The following SOCS6 variants were observed in gnomAD, a reference collection of about 807,000 sequenced individuals.
SOCS6 encodes the protein suppressor of cytokine signaling 6, also known as STAT induced STAT inhibitor-4.
A neutral mutation model predicts 27.7 loss-of-function variants in SOCS6; 5 were observed. That is an observed-to-expected ratio of 0.18 (90% CI 0.09 to 0.38). The LOEUF (loss-of-function observed/expected upper bound fraction) is 0.38. SOCS6 is among the 10% of genes least tolerant of loss of function. The pLI, the probability that SOCS6 is intolerant of heterozygous loss-of-function variation, is 1.00. For synonymous variants in SOCS6, 271 were observed against 260.0 expected (o/e 1.04, Z -0.41); for missense variants, 595 against 688.1 (o/e 0.86, Z 1.51).
At chr18:70,295,657 A>G (rs2062319771) in intron 1 of SOCS6, among the ~76,000 whole-genome samples, 1 of 152,252 alleles carries the variant, frequency 6.6e-6, no homozygotes, top group Non-Finnish European at 1.5e-5. Flanking sequence ...ACTGGCAGAA[A>G]ATGTAAGCAA....
intron 1 of SOCS6, among the ~76,000 whole-genome samples, chr18:70,307,444 T>C (rs2062374065): frequency 6.6e-6 from 1 of 152,200 alleles, no homozygotes; most frequent in South Asian, 2.1e-4. Context: ...TTTAAATCTT[T>C]AGTGGAATTT....
rs779301144 is a variant in SOCS6, at chr18:70,328,129, A to G, written c.*1853A>G. The stretch of plus-strand genomic sequence containing the variant: ...ATAATATAAGTGTTCATTATAAGCT[A>G]TTTGGATTAAGAACTATTGCAGAGT... On this transcript the variant is annotated 3_prime_UTR_variant, in exon 2 of 2. Transcript: ENST00000397942. 5.4e-5 allele frequency: 9 copies of G among 166,610 alleles called. No individual in the cohort carries two copies. Among genetic ancestry groups the G allele is most frequent in the African/African-American group, 1.9e-4 (8 of 41,466 alleles). The allele number at this position is 166,610 out of a possible 1,614,324, so 10.3% of individuals were successfully genotyped here.
chr18:70,290,510 C>G (rs1417095047), intron 1 of SOCS6, among the ~76,000 whole-genome samples: 1 of 152,208 alleles, frequency 6.6e-6, no homozygotes, highest in Non-Finnish European at 1.5e-5. Context: ...TCTAATTTCT[C>G]CTCCTAGTGG....
intron 1 of SOCS6, among the ~76,000 whole-genome samples, chr18:70,304,406 A>T (rs1233377108): frequency 6.6e-6 from 1 of 152,164 alleles, no homozygotes; most frequent in Admixed American, 6.5e-5. Context: ...TTAAAAGCCA[A>T]CCCATCTTAC....
At chr18:70,309,214 T>C (rs117684922) in intron 1 of SOCS6, among the ~76,000 whole-genome samples, 3,699 of 152,332 alleles carry the variant, frequency 0.024, 83 homozygotes, top group South Asian at 0.042. Context: ...TCATATAATT[T>C]CCATTTGTCA....
rs1284702801 is a variant in SOCS6 at position 70,329,780 on chromosome 18, GT to G, written c.*3509del. ...TACTTTTTTAATCCTGTAAAGAAGG[GT>G]TTTTATAAACATTCTTTTTATTAAT... On this transcript the variant is annotated 3_prime_UTR_variant, in exon 2 of 2. Coordinates refer to ENST00000397942, the MANE Select transcript of SOCS6 (RefSeq NM_004232.4). The G allele has an allele frequency of 9.0e-5, 15 of 167,138 alleles. No homozygotes were observed. The highest frequency in any genetic ancestry group is 3.6e-4 in the African/African-American group (15 of 41,564). The allele number at this position is 167,138 out of a possible 1,614,324, so 10.4% of individuals were successfully genotyped here. A position where few individuals can be genotyped will look rare whatever the true frequency, so the allele number is the denominator to read the frequency against.
intron 1 of SOCS6, among the ~76,000 whole-genome samples, chr18:70,319,976 G>A (rs1910915848): frequency 6.6e-6 from 1 of 151,756 alleles, no homozygotes; most frequent in Non-Finnish European, 1.5e-5. Flanking sequence ...CAGTATTATT[G>A]CCAGTGATAA....
chr18:70,302,696 A>G (rs773805110), intron 1 of SOCS6, among the ~76,000 whole-genome samples: 15 of 152,134 alleles, frequency 9.9e-5, no homozygotes, highest in Non-Finnish European at 1.5e-4. Context: ...AAAAGCTGGT[A>G]GGCTTATCAC....
In SOCS6 at chr18:70,328,652, A is replaced by G. The variant is rs1258471675; in HGVS notation, c.*2376A>G. On this transcript the variant is annotated 3_prime_UTR_variant, in exon 2 of 2. Transcript: ENST00000397942. ...TTCTAATCTAGTTTGAAATTGTTAG[A>G]TTCTGATAGTATAATGATAAAATCA... The G allele has an allele frequency of 6.0e-6, 1 of 166,928 alleles. No individual in the cohort carries two copies. Among genetic ancestry groups the G allele is most frequent in the Non-Finnish European group, 1.5e-5 (1 of 68,110 alleles). 10.3% of individuals were successfully genotyped at this position (166,928 alleles called of 1,614,324 possible).
At position 70,323,477 on chromosome 18, in the gene SOCS6, G is replaced by A. The variant is rs142206706; in HGVS notation, c.-126-1066G>A. ...GATATAGAAGTAAAAATTTGCCATG[G>A]GAAATTGCAAAAAAAGAAGAGTAAG... On this transcript the variant is annotated intron_variant, in intron 1 of 1. Transcript: ENST00000397942. 5.9e-3 allele frequency among the ~76,000 whole-genome samples: 904 copies of A among 152,110 alleles called. 4 individuals carry two copies. The highest frequency in any genetic ancestry group is 9.6e-3 in the Non-Finnish European group (651 of 67,972).
intron 1 of SOCS6, among the ~76,000 whole-genome samples, chr18:70,299,916 T>C (rs1009929662): frequency 7.2e-5 from 11 of 152,200 alleles, no homozygotes; most frequent in Non-Finnish European, 4.4e-5. Context: ...GTACATAGGT[T>C]ATATGCAAAT....
intron 1 of SOCS6, among the ~76,000 whole-genome samples, chr18:70,307,039 G>A (rs983003463): frequency 2.0e-5 from 3 of 152,174 alleles, no homozygotes; most frequent in African/African-American, 4.8e-5. Flanking sequence ...TAGGCAGGAG[G>A]ACTCTTTGAG....
At chr18:70,290,094 A>G (rs2062292182) in intron 1 of SOCS6, among the ~76,000 whole-genome samples, 1 of 152,244 alleles carries the variant, frequency 6.6e-6, no homozygotes, top group African/African-American at 2.4e-5. Context: ...CATTTCAACA[A>G]ATGTTTCTGC....
In SOCS6 at chr18:70,326,557, TG is replaced by T. The variant is rs778211944; in HGVS notation, c.*282del. 12 of 372,798 alleles carry T rather than the reference TG, an allele frequency of 3.2e-5. No individual in the cohort carries two copies. Among genetic ancestry groups the T allele is most frequent in the Non-Finnish European group, 5.5e-5 (11 of 198,456 alleles). 23.1% of individuals were successfully genotyped at this position (372,798 alleles called of 1,614,324 possible). On this transcript the variant is annotated 3_prime_UTR_variant, in exon 2 of 2. Coordinates refer to ENST00000397942, the MANE Select transcript of SOCS6 (RefSeq NM_004232.4). ...ATGTGAATTATCAAATTCTCCTCAA[TG>T]CCCCCCCCGCCCAGTCCTTTGCTGC... is the stretch of plus-strand genomic sequence containing the variant.
Position 70,325,464 on chromosome 18 carries a change from G to A in SOCS6, c.796G>A (p.Glu266Lys), listed in dbSNP as rs781563975. The A allele has an allele frequency of 3.7e-6, 6 of 1,614,186 alleles. No homozygotes were observed. Among genetic ancestry groups the A allele is most frequent in the Non-Finnish European group, 5.1e-6 (6 of 1,180,036 alleles). ...GGGAGGGCGCGCTTTCCCCGAGGAT[G>A]AGAGTCAGGTAGACCAGGACCTAGT... ...QVGGRAFPEDESQVDQDLVVA... is the reference protein window; with the variant it reads ...QVGGRAFPEDKSQVDQDLVVA... Residue 266 changes from glutamate (E) to lysine (K), a missense_variant, in exon 2 of 2, where the codon GAG becomes AAG. By Grantham distance (56) the Glu-to-Lys change is moderately conservative (BLOSUM62 1). This residue lies in a region of SOCS6 where 467 missense variants were observed against 481.1 expected (regional missense o/e 0.97). Coordinates refer to ENST00000397942, the MANE Select transcript of SOCS6 (RefSeq NM_004232.4). The surrounding 1 kb of genome is among the most constrained non-coding windows in gnomAD (Gnocchi z 6.3).
chr18:70,305,742 T>C (rs1036371265), intron 1 of SOCS6, among the ~76,000 whole-genome samples: 1 of 152,248 alleles, frequency 6.6e-6, no homozygotes, highest in Admixed American at 6.5e-5. Context: ...CAGTGTTTTG[T>C]AGTTTTGACT....
rs1323506883 is a variant in SOCS6, at chr18:70,326,566, C to CT, written c.*290_*291insT. On this transcript the variant is annotated 3_prime_UTR_variant, in exon 2 of 2. Transcript: ENST00000397942. ...ATCAAATTCTCCTCAATGCCCCCCC[C>CT]GCCCAGTCCTTTGCTGCTATCCACT... 1 of 346,326 alleles carries CT rather than the reference C, an allele frequency of 2.9e-6. No homozygotes were observed. The highest frequency in any genetic ancestry group is 2.1e-5 in the African/African-American group (1 of 47,114). The allele number at this position is 346,326 out of a possible 1,614,324, so 21.5% of individuals were successfully genotyped here.
At chr18:70,321,334 T>TTTG (rs1910981739) in intron 1 of SOCS6, among the ~76,000 whole-genome samples, 1 of 141,052 alleles carries the variant, frequency 7.1e-6, no homozygotes, top group East Asian at 2.0e-4. Flanking sequence ...TTTTTTTTTT[T>TTTG]TTTTGACAGA....
chr18:70,290,743 T>C (rs934972613), intron 1 of SOCS6, among the ~76,000 whole-genome samples: 1 of 152,238 alleles, frequency 6.6e-6, no homozygotes, highest in Admixed American at 6.5e-5. Context: ...CAGCCAGGTA[T>C]TCACCCGAAT....
Sources: gnomAD v4.1 joint callset for allele counts (sites outside exome capture counted in the v4.1 genomes callset) on GRCh38, gnomAD v4.1.1 for gene constraint, gnomAD v4.1.1 regional missense constraint, Gnocchi (gnomAD v3.1) non-coding constraint, MANE v1.5 for transcripts, NCBI Gene and HGNC (gene_info 2026-07-23, HGNC 2026-07-21) for gene names.